The following SLC9A1 variants were observed in gnomAD, a reference collection of about 807,000 sequenced individuals.
SLC9A1 encodes the protein solute carrier family 9 member A1.
A neutral mutation model predicts 67.9 loss-of-function variants in SLC9A1; 22 were observed. The ratio of observed to expected loss-of-function variants is 0.32; its 90% confidence interval spans 0.23 to 0.46. The LOEUF is 0.46. Ranked by LOEUF, SLC9A1 falls within the 20% of genes least tolerant of loss-of-function variation. SLC9A1 has a pLI of 1.00. For missense variants in SLC9A1, 686 were observed against 1,094.8 expected (o/e 0.63, Z 5.27); for synonymous variants, 421 against 471.8 (o/e 0.89, Z 1.40).
chr1:27,134,963 C>G (rs550821083), intron 1 of SLC9A1, among the ~76,000 whole-genome samples: 14 of 152,012 alleles, frequency 9.2e-5, no homozygotes, highest in African/African-American at 3.1e-4. Context: ...TCTCCAACTC[C>G]TGACCTCAGG....
intron 1 of SLC9A1, among the ~76,000 whole-genome samples, chr1:27,150,543 G>A (rs913617575): frequency 1.3e-5 from 2 of 152,078 alleles, no homozygotes; most frequent in African/African-American, 4.8e-5. Flanking sequence ...TGTGGGGTGG[G>A]GAATGCACCT....
Position 27,109,496 on chromosome 1 carries a change from C to A in SLC9A1, c.1064+31G>T, listed in dbSNP as rs1439499527. On this transcript the variant is annotated intron_variant, in intron 3 of 11. Coordinates refer to ENST00000263980, the MANE Select transcript of SLC9A1 (RefSeq NM_003047.5). The surrounding 1 kb of genome is among the most constrained non-coding windows in gnomAD (Gnocchi z 5.5). The stretch of plus-strand genomic sequence containing the variant: ...CTGGCAGCCCCCGCCCCCACCCCGC[C>A]AAGCCCACTGCCTGCTGCACGCAGA... 1.9e-6 allele frequency: 3 copies of A among 1,607,940 alleles called. No homozygotes were observed. The highest frequency in any genetic ancestry group is 2.2e-5 in the South Asian group (2 of 90,924).
chr1:27,128,972 A>G (rs1367197120), intron 1 of SLC9A1, among the ~76,000 whole-genome samples: 1 of 152,110 alleles, frequency 6.6e-6, no homozygotes, highest in Non-Finnish European at 1.5e-5. Flanking sequence ...AAACAAACAA[A>G]CAAACAAACA....
intron 1 of SLC9A1, among the ~76,000 whole-genome samples, chr1:27,136,911 C>T (rs1483607022): frequency 6.6e-6 from 1 of 152,144 alleles, no homozygotes; most frequent in East Asian, 1.9e-4. Context: ...CTCTGCAGTT[C>T]CCCCATCTTC....
At chr1:27,131,947 A>AAAAAAAAAAAAATATATATAT in intron 1 of SLC9A1, among the ~76,000 whole-genome samples, 1 of 52,124 alleles carries the variant, frequency 1.9e-5, no homozygotes, top group Admixed American at 3.0e-4. Context: ...AGAAAAAAAA[A>AAAAAAAAAAAAATATATATAT]ATATATATAT....
intron 1 of SLC9A1, among the ~76,000 whole-genome samples, chr1:27,119,887 C>T (rs1335319286): frequency 2.0e-5 from 3 of 152,138 alleles, no homozygotes. Context: ...AGCTCTTCTC[C>T]AGGAAGTCTC....
chr1:27,109,664 G>T lies in SLC9A1; in HGVS notation c.927C>A (p.Gly309=), dbSNP rs771086329. ...AGGCTGCGATGACCCCGTAGACCAC[G>T]CCCACAAGCACCCCGCCCAGGGCCA... The part of the protein sequence containing the change: ...FVVALGGVLV[G]VVYGVIAAFT... The change falls in exon 3 of 12, where the codon GGC becomes GGA. Residue 309 remains glycine (G), a synonymous_variant. Transcript: ENST00000263980. This position sits in a 1 kb window ranked among gnomAD's most constrained non-coding sequence, Gnocchi z 5.5. The T allele has an allele frequency of 1.2e-6, 2 of 1,613,872 alleles. No homozygotes were observed. The highest frequency in any genetic ancestry group is 1.7e-6 in the Non-Finnish European group (2 of 1,179,966).
chr1:27,153,240 G>A (rs1314137754), intron 1 of SLC9A1, among the ~76,000 whole-genome samples: 5 of 152,232 alleles, frequency 3.3e-5, no homozygotes, highest in African/African-American at 1.2e-4. Flanking sequence ...CGACCTGGGG[G>A]TGAGCTGGGG....
At position 27,099,024 on chromosome 1, in the gene SLC9A1, G is replaced by C. The variant is rs2083118120; in HGVS notation, c.*1283C>G. 1 of 152,386 alleles carries C rather than the reference G, an allele frequency of 6.6e-6. No homozygotes were observed. The highest frequency in any genetic ancestry group is 1.5e-5 in the Non-Finnish European group (1 of 68,082). 9.4% of individuals were successfully genotyped at this position (152,386 alleles called of 1,614,324 possible). A position where few individuals can be genotyped will look rare whatever the true frequency, so the allele number is the denominator to read the frequency against. ...AGTCCCCTGCAAAAAGGGACACTCT[G>C]ACTATTGCACAATCCTGGGGGAGTG... On this transcript the variant is annotated 3_prime_UTR_variant, in exon 12 of 12. Transcript: ENST00000263980.
chr1:27,144,804 T>C (rs1466547208), intron 1 of SLC9A1, among the ~76,000 whole-genome samples: 1 of 151,716 alleles, frequency 6.6e-6, no homozygotes, highest in Non-Finnish European at 1.5e-5. Flanking sequence ...AGGTCAGGAG[T>C]TCTAGACCAG....
chr1:27,102,155 G>A, intron 8 of SLC9A1, 25 bp from the exon 9 acceptor site: 1 of 1,577,034 alleles, frequency 6.3e-7, no homozygotes, highest in Non-Finnish European at 8.7e-7. Flanking sequence ...CATCGGTTAG[G>A]TCCCCAAGAT....
intron 2 of SLC9A1, among the ~76,000 whole-genome samples, chr1:27,112,633 C>T (rs544327888): frequency 3.3e-5 from 5 of 152,288 alleles, no homozygotes; most frequent in African/African-American, 1.2e-4. Flanking sequence ...CCTGTAATCC[C>T]AGCACTTTGG....
At chr1:27,129,684 C>G (rs1290012798) in intron 1 of SLC9A1, among the ~76,000 whole-genome samples, 1 of 152,214 alleles carries the variant, frequency 6.6e-6, no homozygotes, top group Non-Finnish European at 1.5e-5. Flanking sequence ...CGTTACACAG[C>G]AAAGTGGTAG....
intron 2 of SLC9A1, among the ~76,000 whole-genome samples, chr1:27,112,609 C>A (rs1191590476): frequency 1.3e-5 from 2 of 152,172 alleles, no homozygotes; most frequent in Admixed American, 6.5e-5. Context: ...GCTGGCTGGG[C>A]GCAGTGGCTC....
intron 1 of SLC9A1, among the ~76,000 whole-genome samples, chr1:27,138,064 C>G (rs1162716989): frequency 6.6e-6 from 1 of 152,226 alleles, no homozygotes; most frequent in African/African-American, 2.4e-5. Context: ...ATCGCACTCC[C>G]AGGCTGTCCG....
At position 27,101,855 on chromosome 1, in the gene SLC9A1, C is replaced by CG; in HGVS notation, c.1936-30dup. The CG allele has an allele frequency of 1.3e-6, 2 of 1,559,382 alleles. No homozygotes were observed. On this transcript the variant is annotated intron_variant, in intron 9 of 11. Transcript: ENST00000263980. The surrounding 1 kb of genome is among the most constrained non-coding windows in gnomAD (Gnocchi z 4.9). ...TGGGAGGGACAGCGTCAGGGCAGTG[C>CG]GGGCCCCGGAAGGCTCTGCTCATGG... is the stretch of plus-strand genomic sequence containing the variant.
intron 1 of SLC9A1, among the ~76,000 whole-genome samples, chr1:27,133,440 G>A (rs769315193): frequency 4.6e-5 from 7 of 152,120 alleles, no homozygotes; most frequent in Non-Finnish European, 8.8e-5. Context: ...TTATTTTCCT[G>A]AAGCTGAGGA....
At chr1:27,103,468 A>G in intron 5 of SLC9A1, 156 bp from the exon 6 acceptor site, 2 of 650,274 alleles carry the variant, frequency 3.1e-6, no homozygotes, top group Non-Finnish European at 5.6e-6. Context: ...CCCACCTCCC[A>G]GCACTTATCT....
chr1:27,109,483 GC>G lies in SLC9A1; in HGVS notation c.1064+43del. On this transcript the variant is annotated intron_variant, in intron 3 of 11. Transcript: ENST00000263980. The surrounding 1 kb of genome is among the most constrained non-coding windows in gnomAD (Gnocchi z 5.5). ...TGGGGAATCCAAGCTGGCAGCCCCC[GC>G]CCCCACCCCGCCAAGCCCACTGCCT... 1.4e-6 allele frequency: 2 copies of G among 1,388,124 alleles called. No homozygotes were observed. Among genetic ancestry groups the G allele is most frequent in the Non-Finnish European group, 2.0e-6 (2 of 1,004,720 alleles). 86.0% of individuals were successfully genotyped at this position (1,388,124 alleles called of 1,614,324 possible).
Sources: allele counts gnomAD v4.1 joint callset (sites outside exome capture counted in the v4.1 genomes callset), GRCh38; gene constraint gnomAD v4.1.1; non-coding constraint Gnocchi (gnomAD v3.1); transcripts MANE v1.5; gene names NCBI Gene and HGNC (gene_info 2026-07-23, HGNC 2026-07-21).